The following GRB10 variants were observed in gnomAD, a reference collection of about 807,000 sequenced individuals.
GRB10 encodes growth factor receptor bound protein 10, also known as growth factor receptor-bound protein 10.
A neutral mutation model predicts 80.9 loss-of-function variants in GRB10; 20 were observed. The observed-to-expected ratio is 0.25, with a 90% CI of 0.17 to 0.36. GRB10 has a LOEUF of 0.36. GRB10 is among the 10% of genes least tolerant of loss of function. The probability of loss-of-function intolerance (pLI) is 1.00; values close to 1 mark genes in which losing one functional copy is unlikely to be tolerated. For synonymous variants in GRB10, 291 were observed against 291.5 expected (o/e 1.00, Z 0.02); for missense variants, 548 against 747.7 (o/e 0.73, Z 3.12).
At chr7:50,619,411 G>C (rs2051246199) in intron 8 of GRB10, 126 bp from the exon 9 acceptor site, 4 of 712,264 alleles carry the variant, frequency 5.6e-6, no homozygotes, top group South Asian at 1.5e-5. Context: ...GATGAGGTCA[G>C]GAAGGAAACT....
rs946027595 is a variant in GRB10, at chr7:50,590,757, C to T, written c.*2195G>A. ...CGAGCTGGGGCCTTAGGAAGTCTGC[C>T]GCCACGTGGAGGCGGTTTACATTCT... On this transcript the variant is annotated 3_prime_UTR_variant, in exon 19 of 19. Transcript: ENST00000401949. The T allele has an allele frequency of 1.3e-5, 2 of 152,572 alleles. No individual in the cohort carries two copies. Among genetic ancestry groups the T allele is most frequent in the African/African-American group, 4.8e-5 (2 of 41,462 alleles). 9.5% of individuals were successfully genotyped at this position (152,572 alleles called of 1,614,324 possible).
At chr7:50,768,460 A>G (rs578029987) in intron 2 of GRB10, among the ~76,000 whole-genome samples, 1 of 152,240 alleles carries the variant, frequency 6.6e-6, no homozygotes, top group Non-Finnish European at 1.5e-5. Flanking sequence ...TTCTGTTTTC[A>G]CTTCCTTTAT....
At chr7:50,692,353 G>C (rs1166788492) in intron 5 of GRB10, among the ~76,000 whole-genome samples, 1 of 151,974 alleles carries the variant, frequency 6.6e-6, no homozygotes, top group East Asian at 1.9e-4. Context: ...ATTTTTTGTG[G>C]ATAACATAGT....
At chr7:50,603,944 C>T (rs2048070626) in intron 17 of GRB10, 54 bp downstream of exon 17, 1 of 1,326,492 alleles carries the variant, frequency 7.5e-7, no homozygotes. Context: ...GAACAGATCC[C>T]CAGCACAATA....
intron 4 of GRB10, among the ~76,000 whole-genome samples, chr7:50,726,323 G>A (rs532340131): frequency 1.2e-4 from 18 of 152,222 alleles, no homozygotes; most frequent in African/African-American, 4.3e-4. Context: ...GCTTGAACCC[G>A]GGAGGTGGGG....
intron 7 of GRB10, among the ~76,000 whole-genome samples, chr7:50,666,228 T>A (rs2059784614): frequency 6.6e-6 from 1 of 152,204 alleles, no homozygotes. Flanking sequence ...TCTGTCACCA[T>A]CGTGCTAAGC....
chr7:50,731,788 T>A (rs548063153), intron 4 of GRB10, among the ~76,000 whole-genome samples: 253 of 152,312 alleles, frequency 1.7e-3, no homozygotes, highest in African/African-American at 5.5e-3. Flanking sequence ...AGCCAATCTG[T>A]GGAGAGGACT....
chr7:50,636,521 AG>A (rs753035831), intron 7 of GRB10, among the ~76,000 whole-genome samples: 6 of 152,244 alleles, frequency 3.9e-5, no homozygotes, highest in Non-Finnish European at 8.8e-5. Flanking sequence ...TACATTAAAA[AG>A]GTAATACATC....
At chr7:50,635,561 C>CCAAACAAA (rs1586078659) in intron 7 of GRB10, among the ~76,000 whole-genome samples, 1 of 151,018 alleles carries the variant, frequency 6.6e-6, no homozygotes, top group Non-Finnish European at 1.5e-5. Flanking sequence ...AAAAACAAAA[C>CCAAACAAA]AAAACAAAAA....
intron 7 of GRB10, among the ~76,000 whole-genome samples, chr7:50,668,296 T>C (rs540909674): frequency 2.0e-5 from 3 of 152,338 alleles, no homozygotes; most frequent in Non-Finnish European, 4.4e-5. Flanking sequence ...TGGCCTGTCT[T>C]GCTTGAGAAC....
intron 3 of GRB10, among the ~76,000 whole-genome samples, chr7:50,754,006 T>C (rs950034577): frequency 1.3e-5 from 2 of 152,168 alleles, no homozygotes; most frequent in Admixed American, 6.5e-5. Context: ...AATCTCAGCA[T>C]CACTCGCAAC....
intron 7 of GRB10, among the ~76,000 whole-genome samples, 153 bp from the exon 8 acceptor site, chr7:50,627,131 G>A (rs2053050227): frequency 6.6e-6 from 1 of 152,176 alleles, no homozygotes; most frequent in Non-Finnish European, 1.5e-5. Flanking sequence ...CCCACCAGCT[G>A]CAGGGATGTG....
intron 1 of GRB10, among the ~76,000 whole-genome samples, chr7:50,789,068 C>CT (rs2078806436): frequency 1.3e-5 from 2 of 152,256 alleles, no homozygotes; most frequent in African/African-American, 4.8e-5. Context: ...CACCAGCTAT[C>CT]TTTGCTCTTA....
intron 3 of GRB10, among the ~76,000 whole-genome samples, chr7:50,738,780 A>G (rs1202293393): frequency 6.6e-6 from 1 of 152,098 alleles, no homozygotes; most frequent in African/African-American, 2.4e-5. Flanking sequence ...TCTGTCTATA[A>G]TAACTAAAGA....
intron 7 of GRB10, among the ~76,000 whole-genome samples, chr7:50,665,839 G>T (rs956993767): frequency 1.3e-5 from 2 of 152,192 alleles, no homozygotes; most frequent in African/African-American, 4.8e-5. Context: ...GTGGATCTCC[G>T]ATCAGAAGTA....
chr7:50,699,113 T>G (rs1198623931), intron 5 of GRB10, among the ~76,000 whole-genome samples: 1 of 152,250 alleles, frequency 6.6e-6, no homozygotes, highest in Non-Finnish European at 1.5e-5. Flanking sequence ...CTATTCCATT[T>G]TACATGTTGA....
chr7:50,611,398 C>A (rs953498934), intron 13 of GRB10, among the ~76,000 whole-genome samples: 1 of 152,202 alleles, frequency 6.6e-6, no homozygotes, highest in Admixed American at 6.5e-5. Context: ...CACTGAAAAC[C>A]GGCTTACACA....
At chr7:50,793,145 C>A (rs2079008143) in intron 1 of GRB10, 1 of 143,800 alleles carries the variant, frequency 7.0e-6, no homozygotes, top group South Asian at 2.1e-4. Context: ...GGCGCGGGGA[C>A]CCGCCTGGCC....
chr7:50,611,557 A>G (rs1205934263), intron 13 of GRB10, among the ~76,000 whole-genome samples: 1 of 152,212 alleles, frequency 6.6e-6, no homozygotes, highest in Non-Finnish European at 1.5e-5. Flanking sequence ...CAATCTGTGG[A>G]ACTTTTGGTT....
Sources: gnomAD v4.1 joint callset for allele counts (sites outside exome capture counted in the v4.1 genomes callset) on GRCh38, gnomAD v4.1.1 for gene constraint, MANE v1.5 for transcripts, NCBI Gene and HGNC (gene_info 2026-07-23, HGNC 2026-07-21) for gene names.